PEBP1: variants seen among roughly 807,000 people sequenced by gnomAD.
PEBP1 encodes phosphatidylethanolamine binding protein 1, also known as phosphatidylethanolamine-binding protein 1.
PEBP1 carries 17 observed loss-of-function variants against 22.7 expected under a neutral mutation model. The ratio of observed to expected loss-of-function variants is 0.75; its 90% CI spans 0.51 to 1.12. The LOEUF (loss-of-function observed/expected upper bound fraction) is 1.12, where lower values mean the gene tolerates loss of function less well. Ranked by LOEUF, PEBP1 falls within the 50% of genes most tolerant of loss-of-function variation. The probability of loss-of-function intolerance (pLI) is 0.00; values close to 1 mark genes in which losing one functional copy is unlikely to be tolerated. For synonymous variants in PEBP1, 106 were observed against 104.3 expected (o/e 1.02, Z -0.10); for missense variants, 205 against 243.5 (o/e 0.84, Z 1.05).
intron 3 of PEBP1, among the ~76,000 whole-genome samples, chr12:118,143,905 C>CAAA (rs5801270): frequency 7.1e-5 from 8 of 112,216 alleles, no homozygotes; most frequent in East Asian, 2.8e-4. Context: ...GACTCCGTCT[C>CAAA]AAAAAAAAAA....
At position 118,144,791 on chromosome 12, in the gene PEBP1, G is replaced by A; in HGVS notation, c.552G>A (p.Leu184=). Residue 184 remains leucine (L), a synonymous_variant, in exon 4 of 4, where the codon CTG becomes CTA. Transcript: ENST00000261313. ...DDYVPKLYEQ[L]SGK is the part of the protein sequence containing the mutation. The stretch of plus-strand genomic sequence containing the variant: ...ATGTGCCCAAACTGTACGAGCAGCT[G>A]TCTGGGAAGTAGGGGGTTAGCTTGG... The A allele has an allele frequency of 6.2e-7, 1 of 1,614,100 alleles. No homozygotes were observed. Among genetic ancestry groups the A allele is most frequent in the Middle Eastern group, 1.6e-4 (1 of 6,062 alleles).
chr12:118,139,576 G>T (rs1336789261), intron 3 of PEBP1, 25 bp downstream of exon 3: 5 of 1,464,610 alleles, frequency 3.4e-6, no homozygotes, highest in Non-Finnish European at 3.8e-6. Flanking sequence ...TTTTTGGTGG[G>T]AGGTTGGGGA....
chr12:118,140,817 C>T (rs995125754), intron 3 of PEBP1, among the ~76,000 whole-genome samples: 7 of 152,138 alleles, frequency 4.6e-5, no homozygotes, highest in African/African-American at 1.2e-4. Flanking sequence ...GGATTACAGG[C>T]GTGAGCCACT....
At chr12:118,141,615 T>A (rs972419147) in intron 3 of PEBP1, among the ~76,000 whole-genome samples, 1 of 152,146 alleles carries the variant, frequency 6.6e-6, no homozygotes, top group African/African-American at 2.4e-5. Flanking sequence ...ACGTCTGTAG[T>A]CCCAGCCACC....
At chr12:118,140,372 C>T (rs1274145445) in intron 3 of PEBP1, among the ~76,000 whole-genome samples, 6 of 152,066 alleles carry the variant, frequency 3.9e-5, no homozygotes, top group South Asian at 4.2e-4. Context: ...TCTGTAGACC[C>T]GGAAGCTTCA....
chr12:118,141,209 T>C (rs751563468), intron 3 of PEBP1, among the ~76,000 whole-genome samples: 53 of 152,050 alleles, frequency 3.5e-4, no homozygotes, highest in Non-Finnish European at 6.0e-4. Flanking sequence ...CTCTACCTCC[T>C]GTGTTCAAAT....
Position 118,145,131 on chromosome 12 carries a change from G to T in PEBP1, c.*328G>T. 2.4e-6 allele frequency: 1 copy of T among 414,354 alleles called. No individual in the cohort carries two copies. Among genetic ancestry groups the T allele is most frequent in the Non-Finnish European group, 4.1e-6 (1 of 242,522 alleles). 25.7% of individuals were successfully genotyped at this position (414,354 alleles called of 1,614,324 possible). On this transcript the variant is annotated 3_prime_UTR_variant, in exon 4 of 4. Coordinates refer to ENST00000261313, the MANE Select transcript of PEBP1 (RefSeq NM_002567.4). The stretch of plus-strand genomic sequence containing the variant: ...GGGGGAAAAAGACCAGGTCTACAGT[G>T]ATAGAGCAAAGCATCAAAGAATCTT...
In PEBP1 at chr12:118,144,730, TG is replaced by T. The variant is rs745689509; in HGVS notation, c.493del (p.Ala165LeufsTer48). The T allele has an allele frequency of 7.4e-6, 12 of 1,614,154 alleles. No individual in the cohort carries two copies. The highest frequency in any genetic ancestry group is 8.5e-6 in the Non-Finnish European group (10 of 1,180,034). On this transcript the variant is annotated frameshift_variant, in exon 4 of 4. Coordinates refer to ENST00000261313, the MANE Select transcript of PEBP1 (RefSeq NM_002567.4). LOFTEE classifies it high-confidence loss of function. ...AAAAAGTATGAGCTCAGGGCCCCGG[TG>T]GCTGGCACGTGTTACCAGGCCGAGT... ...FRKKYELRAP[V>X]AGTCYQAEWD... is the part of the protein sequence containing the mutation.
In PEBP1 at chr12:118,136,390, C is replaced by T; in HGVS notation, c.135+46C>T. 1.3e-6 allele frequency: 2 copies of T among 1,511,210 alleles called. No homozygotes were observed. Among genetic ancestry groups the T allele is most frequent in the Non-Finnish European group, 1.8e-6 (2 of 1,135,838 alleles). The allele number at this position is 1,511,210 out of a possible 1,614,324, so 93.6% of individuals were successfully genotyped here. A position where few individuals can be genotyped will look rare whatever the true frequency, so the allele number is the denominator to read the frequency against. ...GCAGCGAGCGGCACGGCGCGGAGGC[C>T]TGTGCCGGCCTCCTGGGTGGGACCC... On this transcript the variant is annotated intron_variant, in intron 1 of 3. Coordinates refer to ENST00000261313, the MANE Select transcript of PEBP1 (RefSeq NM_002567.4). This position sits in a 1 kb window ranked among gnomAD's most constrained non-coding sequence, Gnocchi z 5.6.
Position 118,139,491 on chromosome 12 carries a change from G to C in PEBP1, c.286G>C (p.Asp96His). The C allele has an allele frequency of 6.2e-7, 1 of 1,613,320 alleles. No individual in the cohort carries two copies. Among genetic ancestry groups the C allele is most frequent in the African/African-American group, 1.3e-5 (1 of 75,002 alleles). ...HFLVVNMKGN[D>H]ISSGTVLSDY... is the part of the protein sequence containing the mutation. ...CCTGGTGGTCAACATGAAGGGCAAT[G>C]ACATCAGCAGTGGCACAGTCCTCTC... Residue 96 changes from aspartate (D) to histidine (H), a missense_variant, in exon 3 of 4, where the codon GAC becomes CAC. Physicochemically the swap from Asp to His is moderately conservative, Grantham distance 81. Transcript: ENST00000261313.
chr12:118,136,431 A>G lies in PEBP1; in HGVS notation c.135+87A>G, dbSNP rs369901020. 29 of 1,423,468 alleles carry G rather than the reference A, an allele frequency of 2.0e-5. 1 individual carries two copies. In the South Asian group the frequency reaches 3.2e-4, roughly 16 times the overall value. 88.2% of individuals were successfully genotyped at this position (1,423,468 alleles called of 1,614,324 possible). A position where few individuals can be genotyped will look rare whatever the true frequency, so the allele number is the denominator to read the frequency against. ...GGTGGGACCCAGCGGAGACAGGGCC[A>G]GGGGCGGTGGGGAGGTTCAGCCTGC... On this transcript the variant is annotated intron_variant, in intron 1 of 3. Transcript: ENST00000261313. The surrounding 1 kb of genome is among the most constrained non-coding windows in gnomAD (Gnocchi z 5.6).
chr12:118,136,276 C>G lies in PEBP1; in HGVS notation c.67C>G (p.His23Asp). Reference sequence around the variant, plus strand: ...GCAAGAAGTGGACGAGCAGCCGCAGCACCCGCTGCATGTCACCTACGCCGG... The same window carrying G: ...GCAAGAAGTGGACGAGCAGCCGCAGGACCCGCTGCATGTCACCTACGCCGG... ...SLQEVDEQPQ[H>D]PLHVTYAGAA... is the part of the protein sequence containing the mutation. The change falls in exon 1 of 4, where the codon CAC becomes GAC. Residue 23 changes from histidine to aspartate, a missense_variant. Transcript: ENST00000261313. The surrounding 1 kb of genome is among the most constrained non-coding windows in gnomAD (Gnocchi z 5.6). The G allele has an allele frequency of 6.5e-7, 1 of 1,547,152 alleles. No individual in the cohort carries two copies. The highest frequency in any genetic ancestry group is 1.2e-5 in the South Asian group (1 of 83,976).
intron 3 of PEBP1, among the ~76,000 whole-genome samples, chr12:118,140,053 GGC>G (rs1212079284): frequency 4.3e-5 from 5 of 116,684 alleles, no homozygotes; most frequent in Admixed American, 8.2e-5. Flanking sequence ...CTATATTGAA[GGC>G]GCACACACAC....
chr12:118,141,408 TCCAG>T (rs2034113162), intron 3 of PEBP1, among the ~76,000 whole-genome samples: 2 of 152,168 alleles, frequency 1.3e-5, no homozygotes, highest in African/African-American at 4.8e-5. Flanking sequence ...AGCCACTGTG[TCCAG>T]CCACTTTCGC....
At chr12:118,140,044 T>C (rs1050251778) in intron 3 of PEBP1, among the ~76,000 whole-genome samples, 2 of 136,706 alleles carry the variant, frequency 1.5e-5, no homozygotes, top group Admixed American at 1.5e-4. Flanking sequence ...TCAGTAGAAC[T>C]ATATTGAAGG....
chr12:118,144,438 C>CATTA, intron 3 of PEBP1, 148 bp from the exon 4 acceptor site: 1 of 720,190 alleles, frequency 1.4e-6, no homozygotes, highest in Non-Finnish European at 2.3e-6. Context: ...TGTTAATTTG[C>CATTA]ACCAAATACC....
intron 1 of PEBP1, among the ~76,000 whole-genome samples, chr12:118,137,536 CAGA>C (rs751516962): frequency 6.6e-6 from 1 of 152,108 alleles, no homozygotes; most frequent in South Asian, 2.1e-4. Flanking sequence ...GCCTGAGTGA[CAGA>C]AGGAGACCTG....
chr12:118,141,262 G>A (rs1367849164), intron 3 of PEBP1, among the ~76,000 whole-genome samples: 2 of 151,942 alleles, frequency 1.3e-5, no homozygotes, highest in South Asian at 2.1e-4. Context: ...GATGACAGGC[G>A]CCCACCACCA....
intron 3 of PEBP1, among the ~76,000 whole-genome samples, chr12:118,142,371 T>TAC (rs1193108231): frequency 6.6e-6 from 1 of 151,708 alleles, no homozygotes; most frequent in Non-Finnish European, 1.5e-5. Flanking sequence ...TTTTTTACTT[T>TAC]TAGTAGAGAC....
Sources: allele counts gnomAD v4.1 joint callset (sites outside exome capture counted in the v4.1 genomes callset), GRCh38; gene constraint gnomAD v4.1.1; non-coding constraint Gnocchi (gnomAD v3.1); transcripts MANE v1.5; gene names NCBI Gene and HGNC (gene_info 2026-07-23, HGNC 2026-07-21).